SI: variants seen among roughly 807,000 people sequenced by gnomAD.
The protein encoded by SI is sucrase-isomaltase, also known as sucrase-isomaltase, intestinal.
A neutral mutation model predicts 253.3 loss-of-function variants in SI; 235 were observed. The ratio of observed to expected loss-of-function variants is 0.93; its 90% CI spans 0.83 to 1.03. The LOEUF is 1.03. SI is among the 50% of genes least tolerant of loss of function. The pLI is 0.00. For missense variants in SI, 2,442 were observed against 2,211.1 expected, an observed-to-expected ratio of 1.10 and a Z score of -2.09; for synonymous variants, 819 against 712.0, an observed-to-expected ratio of 1.15 and a Z score of -2.39.
chr3:165,022,886 T>C (rs1711701620), intron 26 of SI, among the ~76,000 whole-genome samples: 1 of 151,656 alleles, frequency 6.6e-6, no homozygotes, highest in African/African-American at 2.4e-5. Context: ...CGTTTACTCT[T>C]ATTTATAATT....
chr3:164,990,304 C>T (rs1047019617), intron 44 of SI, among the ~76,000 whole-genome samples: 3 of 151,962 alleles, frequency 2.0e-5, no homozygotes, highest in Non-Finnish European at 4.4e-5. Flanking sequence ...ACTAGATCTT[C>T]CACATGTCAG....
At chr3:165,009,812 C>T (rs561692038) in intron 34 of SI, among the ~76,000 whole-genome samples, 1 of 152,094 alleles carries the variant, frequency 6.6e-6, no homozygotes, top group Non-Finnish European at 1.5e-5. Flanking sequence ...AGAACCATCT[C>T]ACCACCCTCA....
chr3:165,085,623 T>C, the SI span, among the ~76,000 whole-genome samples: 1 of 152,164 alleles, frequency 6.6e-6, no homozygotes, highest in Non-Finnish European at 1.5e-5. Context: ...CATATCTGTA[T>C]TAGGGAGAAT....
chr3:165,024,893 T>C (rs1424446399), intron 25 of SI, among the ~76,000 whole-genome samples: 3 of 151,258 alleles, frequency 2.0e-5, no homozygotes, highest in African/African-American at 2.4e-5. Flanking sequence ...CTACATCTAA[T>C]GTTTGCATGT....
chr3:164,994,389 G>A lies in SI; in HGVS notation c.4709C>T (p.Ser1570Phe), dbSNP rs1488778384. The change falls in exon 41 of 48, where the codon TCC (serine) becomes TTC (phenylalanine). Residue 1570 changes from serine to phenylalanine, a missense_variant. Coordinates refer to ENST00000264382, the MANE Select transcript of SI (RefSeq NM_001041.4). ...CATTTCAGCAAAAGTTTCATTCCAG[G>A]AAGCGGGATCTTGTCTCTGAAACAA... ...IANTRRQDPASWNETFAEMSR... is the reference protein window; with the variant it reads ...IANTRRQDPAFWNETFAEMSR... 6.2e-7 allele frequency: 1 copy of A among 1,610,800 alleles called. No homozygotes were observed. Among genetic ancestry groups the A allele is most frequent in the Non-Finnish European group, 8.5e-7 (1 of 1,177,692 alleles).
At chr3:164,989,433 A>AAAGAAAGAAAGAAAGG (rs1553768937) in intron 44 of SI, among the ~76,000 whole-genome samples, 33 of 132,852 alleles carry the variant, frequency 2.5e-4, no homozygotes, top group African/African-American at 6.8e-4. Flanking sequence ...AGAAAGAAAG[A>AAAGAAAGAAAGAAAGG]AAGGAAAGAA....
intron 16 of SI, among the ~76,000 whole-genome samples, chr3:165,045,829 T>A (rs1176274445): frequency 6.7e-6 from 1 of 148,874 alleles, no homozygotes; most frequent in Non-Finnish European, 1.5e-5. Context: ...CATGAATGAA[T>A]TTGATAATAT....
Position 165,006,025 on chromosome 3 carries a change from T to G in SI, c.4406+791A>C, listed in dbSNP as rs79459892. ...GCCTTACATAAAAGTTTGTTAAAAA[T>G]GCAGATAATTACTATGATCATTAAT... On this transcript the variant is annotated intron_variant, in intron 37 of 47. Transcript: ENST00000264382. 7.4e-3 allele frequency among the ~76,000 whole-genome samples: 1,130 copies of G among 152,326 alleles called. 31 individuals are homozygous for G. The East Asian group carries it at 0.086, about 12-fold the overall frequency.
intron 40 of SI, 103 bp downstream of exon 40, chr3:164,996,432 T>C (rs983076542): frequency 2.6e-6 from 2 of 778,662 alleles, no homozygotes; most frequent in Non-Finnish European, 2.3e-6. Context: ...AAATTATATA[T>C]AACATCAATA....
In SI at chr3:165,021,361, C is replaced by T; in HGVS notation, c.3122G>A (p.Arg1041Lys). Residue 1041 changes from arginine to lysine, a missense_variant, in exon 27 of 48, where the codon AGA becomes AAA. Physicochemically the swap from Arg to Lys is conservative, Grantham distance 26. Transcript: ENST00000264382. Reference protein sequence around the residue: ...QFKIYDPQKKRYEVPVPLNIP... With the variant: ...QFKIYDPQKKKYEVPVPLNIP... ...GTTTAACGGTACTGGTACTTCATATCTCTTCTTTTGGGGATCATAAATCTA... is the reference window on the plus strand; with the variant it reads ...GTTTAACGGTACTGGTACTTCATATTTCTTCTTTTGGGGATCATAAATCTA... 6.2e-7 allele frequency: 1 copy of T among 1,610,370 alleles called. No individual in the cohort carries two copies. The highest frequency in any genetic ancestry group is 1.1e-5 in the South Asian group (1 of 91,016).
chr3:165,058,954 A>T lies in SI; in HGVS notation c.1398+9T>A. On this transcript the variant is annotated intron_variant, in intron 12 of 47. Coordinates refer to ENST00000264382, the MANE Select transcript of SI (RefSeq NM_001041.4). ...GAGCAACATAGTTTTAATAAATATCATATTTTACCTCTCCAATAATTGGTG... is the reference window on the plus strand; with the variant it reads ...GAGCAACATAGTTTTAATAAATATCTTATTTTACCTCTCCAATAATTGGTG... 6.2e-7 allele frequency: 1 copy of T among 1,609,068 alleles called. No homozygotes were observed. Among genetic ancestry groups the T allele is most frequent in the Non-Finnish European group, 8.5e-7 (1 of 1,176,378 alleles).
chr3:164,991,208 T>C (rs1717718252), intron 44 of SI, 145 bp downstream of exon 44: 7 of 849,490 alleles, frequency 8.2e-6, no homozygotes, highest in Non-Finnish European at 1.4e-5. Context: ...AACACTTTTG[T>C]CTCTGACCTG....
At chr3:165,019,331 T>C (rs1719192295) in intron 28 of SI, among the ~76,000 whole-genome samples, 1 of 152,104 alleles carries the variant, frequency 6.6e-6, no homozygotes, top group South Asian at 2.1e-4. Flanking sequence ...ATATTCTTTG[T>C]ATGCATTTGA....
chr3:165,018,955 T>G (rs556437058), intron 28 of SI, among the ~76,000 whole-genome samples: 2 of 151,896 alleles, frequency 1.3e-5, no homozygotes, highest in South Asian at 4.1e-4. Flanking sequence ...ACTGAGTATA[T>G]CCTTTTAAGT....
intron 37 of SI, among the ~76,000 whole-genome samples, chr3:165,000,685 TATTTG>T (rs1362811095): frequency 6.6e-6 from 1 of 151,430 alleles, no homozygotes; most frequent in African/African-American, 2.4e-5. Context: ...ACAGAATATG[TATTTG>T]ACGCCACTAA....
intron 12 of SI, among the ~76,000 whole-genome samples, chr3:165,055,759 C>G (rs1713667191): frequency 6.6e-6 from 1 of 151,928 alleles, no homozygotes; most frequent in East Asian, 1.9e-4. Flanking sequence ...ACATACTGGG[C>G]ACTATTTCAA....
chr3:165,005,778 G>A (rs1194622533), intron 37 of SI, among the ~76,000 whole-genome samples: 4 of 151,998 alleles, frequency 2.6e-5, no homozygotes, highest in African/African-American at 9.7e-5. Context: ...ACAGGTTCTT[G>A]TTTTGTTGCC....
chr3:165,040,865 C>A, intron 18 of SI, 75 bp downstream of exon 18: 3 of 1,174,400 alleles, frequency 2.6e-6, no homozygotes, highest in Non-Finnish European at 3.8e-6. Context: ...CTTGATTTAC[C>A]TCCATTAAAC....
upstream of SI, among the ~76,000 whole-genome samples, chr3:165,079,604 T>C (rs1176018626): frequency 3.3e-5 from 5 of 151,710 alleles, no homozygotes; most frequent in Non-Finnish European, 5.9e-5. Context: ...AATAAAACTT[T>C]TGAGTGATTT....
Sources: gnomAD v4.1 joint callset for allele counts (sites outside exome capture counted in the v4.1 genomes callset) on GRCh38, gnomAD v4.1.1 for gene constraint, MANE v1.5 for transcripts, NCBI Gene and HGNC (gene_info 2026-07-23, HGNC 2026-07-21) for gene names.